VPS54: variants seen among roughly 807,000 people sequenced by gnomAD.
VPS54 encodes the protein vacuolar protein sorting-associated protein 54.
VPS54 carries 45 observed loss-of-function variants against 121.5 expected under a neutral mutation model. The ratio of observed to expected loss-of-function variants is 0.37; its 90% CI spans 0.29 to 0.47. VPS54 has a LOEUF of 0.47. Ranked by LOEUF, VPS54 falls within the 20% of genes least tolerant of loss-of-function variation. The pLI is 0.99. For missense variants in VPS54, 1,090 were observed against 1,131.4 expected, an observed-to-expected ratio of 0.96 and a Z score of 0.52; for synonymous variants, 371 against 385.8, an observed-to-expected ratio of 0.96 and a Z score of 0.45.
rs183256906 is a variant in VPS54, at chr2:63,971,599, C to T, written c.457+567G>A. ...CTCCCACATAAATGTTTCAAACTAA[C>T]GACTTTAAAACACATGTAATCACTG... On this transcript the variant is annotated intron_variant, in intron 4 of 22. Coordinates refer to ENST00000272322, the MANE Select transcript of VPS54 (RefSeq NM_016516.3). 7.2e-4 allele frequency among the ~76,000 whole-genome samples: 109 copies of T among 152,220 alleles called. 1 individual carries two copies. Among genetic ancestry groups the T allele is most frequent in the African/African-American group, 2.1e-3 (88 of 41,552 alleles).
chr2:63,997,033 G>A (rs1286529272), intron 1 of VPS54, among the ~76,000 whole-genome samples: 1 of 152,140 alleles, frequency 6.6e-6, no homozygotes, highest in Non-Finnish European at 1.5e-5. Context: ...CAGACACTCA[G>A]CTTTAAAATT....
At chr2:64,014,559 C>A (rs916471912) in intron 1 of VPS54, among the ~76,000 whole-genome samples, 12 of 124,652 alleles carry the variant, frequency 9.6e-5, no homozygotes, top group African/African-American at 2.8e-4. Context: ...AGTTTGTTAT[C>A]AATATTTGTA....
Position 63,899,406 on chromosome 2 carries a change from A to T in VPS54, c.2733+68T>A, listed in dbSNP as rs559619660. 4.7e-5 allele frequency: 65 copies of T among 1,391,304 alleles called. No homozygotes were observed. The Middle Eastern group carries it at 9.2e-4, about 20-fold the overall frequency. 86.2% of individuals were successfully genotyped at this position (1,391,304 alleles called of 1,614,324 possible). A position where few individuals can be genotyped will look rare whatever the true frequency, so the allele number is the denominator to read the frequency against. ...AGCTTAACTGCCAAAAGCATGTAAA[A>T]ACACCCCAATTCTGTACAGATATTG... On this transcript the variant is annotated intron_variant, in intron 21 of 22. Transcript: ENST00000272322.
In VPS54 at chr2:63,893,392, C is replaced by T; in HGVS notation, c.*38G>A. The T allele has an allele frequency of 6.5e-7, 1 of 1,537,444 alleles. No homozygotes were observed. Among genetic ancestry groups the T allele is most frequent in the Non-Finnish European group, 9.0e-7 (1 of 1,110,412 alleles). ...AGATTTTCTTCATAACAAACACATCCCATGGTCAGATGAACTACCCAGTTT... is the reference window on the plus strand; with the variant it reads ...AGATTTTCTTCATAACAAACACATCTCATGGTCAGATGAACTACCCAGTTT... On this transcript the variant is annotated 3_prime_UTR_variant, in exon 23 of 23. Transcript: ENST00000272322.
intron 11 of VPS54, among the ~76,000 whole-genome samples, chr2:63,942,024 T>G (rs1674760315): frequency 8.7e-6 from 1 of 114,938 alleles, no homozygotes; most frequent in African/African-American, 3.6e-5. Flanking sequence ...ACAGCAAGAC[T>G]CCACCTCAAA....
At chr2:63,969,815 C>T (rs1431422079) in intron 4 of VPS54, among the ~76,000 whole-genome samples, 1 of 152,002 alleles carries the variant, frequency 6.6e-6, no homozygotes, top group East Asian at 1.9e-4. Flanking sequence ...ATATGGCATG[C>T]TATGTAATTT....
intron 7 of VPS54, among the ~76,000 whole-genome samples, chr2:63,955,800 G>T (rs1321930673): frequency 6.6e-6 from 1 of 151,628 alleles, no homozygotes; most frequent in Non-Finnish European, 1.5e-5. Flanking sequence ...GTATATTCTT[G>T]GCTACTTTGA....
At position 63,981,796 on chromosome 2, in the gene VPS54, T is replaced by C. The variant is rs1255504575; in HGVS notation, c.228A>G (p.Ala76=). The change falls in exon 3 of 23, where the codon GCA becomes GCG. Residue 76 remains alanine (A), a synonymous_variant. Transcript: ENST00000272322. ...VYHSKVNLPA[A]LNDPRLAKRE... ...TTTTTGCTAATCTAGGATCGTTTAA[T>C]GCTGCTGGGAGATTTACTTTGGAAT... 2 of 1,613,732 alleles carry C rather than the reference T, an allele frequency of 1.2e-6. No individual in the cohort carries two copies. Among genetic ancestry groups the C allele is most frequent in the East Asian group, 2.2e-5 (1 of 44,828 alleles).
At chr2:64,000,626 G>A (rs1277178674) in intron 1 of VPS54, among the ~76,000 whole-genome samples, 1 of 152,242 alleles carries the variant, frequency 6.6e-6, no homozygotes, top group Non-Finnish European at 1.5e-5. Context: ...TGTGGTTCTT[G>A]CAGACTTGTA....
At chr2:63,927,108 T>C (rs549553831) in intron 12 of VPS54, among the ~76,000 whole-genome samples, 1 of 152,236 alleles carries the variant, frequency 6.6e-6, no homozygotes, top group Admixed American at 6.5e-5. Flanking sequence ...GCAGACAGCT[T>C]CTCCAGACTT....
intron 1 of VPS54, among the ~76,000 whole-genome samples, chr2:64,017,495 T>C (rs1195067091): frequency 6.6e-6 from 1 of 152,202 alleles, no homozygotes; most frequent in African/African-American, 2.4e-5. Context: ...TATAAGCATA[T>C]GCAAAAGTAA....
chr2:63,967,033 G>T (rs1676032420), intron 5 of VPS54, among the ~76,000 whole-genome samples: 2 of 152,054 alleles, frequency 1.3e-5, no homozygotes, highest in African/African-American at 4.8e-5. Context: ...ATACTTTATA[G>T]AAATTATTTA....
At chr2:63,917,110 A>G in intron 15 of VPS54, 147 bp from the exon 16 acceptor site, 1 of 741,844 alleles carries the variant, frequency 1.3e-6, no homozygotes, top group Non-Finnish European at 2.2e-6. Flanking sequence ...TTTGGCACAC[A>G]GTAAATAAAG....
intron 12 of VPS54, among the ~76,000 whole-genome samples, chr2:63,928,818 T>TAC (rs1414315575): frequency 7.7e-6 from 1 of 129,628 alleles, no homozygotes; most frequent in East Asian, 2.2e-4. Context: ...GAGGAAGATC[T>TAC]ACCAAGCAAA....
intron 12 of VPS54, among the ~76,000 whole-genome samples, chr2:63,929,280 G>A (rs1196429194): frequency 1.3e-5 from 2 of 152,060 alleles, no homozygotes; most frequent in African/African-American, 4.8e-5. Flanking sequence ...GCACTCCTCA[G>A]CAAATGTAAA....
intron 2 of VPS54, 33 bp from the exon 3 acceptor site, chr2:63,981,920 G>A: frequency 1.3e-6 from 2 of 1,580,212 alleles, no homozygotes; most frequent in Non-Finnish European, 1.7e-6. Flanking sequence ...CTCTGTAAAT[G>A]CTGTAAAATT....
chr2:63,981,607 C>T (rs1309841550), intron 3 of VPS54, 39 bp downstream of exon 3: 1 of 1,520,994 alleles, frequency 6.6e-7, no homozygotes, highest in East Asian at 2.3e-5. Context: ...ATTTCTATTA[C>T]TTTTGACCTG....
intron 11 of VPS54, among the ~76,000 whole-genome samples, chr2:63,937,352 C>A (rs754643821): frequency 1.3e-5 from 2 of 151,728 alleles, no homozygotes; most frequent in Non-Finnish European, 2.9e-5. Context: ...AATATTTTTC[C>A]AAAAAAGACA....
At chr2:63,948,641 T>C (rs918039821) in intron 8 of VPS54, among the ~76,000 whole-genome samples, 1 of 152,052 alleles carries the variant, frequency 6.6e-6, no homozygotes, top group Non-Finnish European at 1.5e-5. Context: ...GCTCAAGCAA[T>C]CTTCCCACCT....
Sources: allele counts gnomAD v4.1 joint callset (sites outside exome capture counted in the v4.1 genomes callset), GRCh38; gene constraint gnomAD v4.1.1; transcripts MANE v1.5; gene names NCBI Gene and HGNC (gene_info 2026-07-23, HGNC 2026-07-21).